The following AEBP2 variants were observed in gnomAD, a reference collection of about 807,000 sequenced individuals.
AEBP2 encodes the protein AE binding protein 2, also known as zinc finger protein AEBP2.
In AEBP2, 10 loss-of-function variants were observed where a neutral mutation model predicts 50.8. The observed-to-expected ratio is 0.20, with a 90% confidence interval of 0.12 to 0.33. AEBP2 has a LOEUF of 0.33. Ranked by LOEUF, AEBP2 falls within the 10% of genes least tolerant of loss-of-function variation. The probability of loss-of-function intolerance (pLI) is 1.00; values close to 1 mark genes in which losing one functional copy is unlikely to be tolerated. For missense variants in AEBP2, 570 were observed against 688.0 expected (o/e 0.83, Z 1.92); for synonymous variants, 296 against 261.3 (o/e 1.13, Z -1.28).
intron 4 of AEBP2, among the ~76,000 whole-genome samples, chr12:19,497,923 G>A (rs1949012048): frequency 6.6e-6 from 1 of 152,178 alleles, no homozygotes; most frequent in Non-Finnish European, 1.5e-5. Context: ...AGAATGAGAT[G>A]AAGAAATTAA....
Position 19,520,952 on chromosome 12 carries a change from T to C in AEBP2, c.*2835T>C, listed in dbSNP as rs1211123162. Reference sequence around the variant, plus strand: ...ATGCACAAAATTATTAAAACTGTTGTATAAAATTACCTTCAGTCTATGTGT... The same window carrying C: ...ATGCACAAAATTATTAAAACTGTTGCATAAAATTACCTTCAGTCTATGTGT... On this transcript the variant is annotated 3_prime_UTR_variant, in exon 8 of 8. Transcript: ENST00000266508. The C allele has an allele frequency of 2.0e-5, 3 of 152,196 alleles. No individual in the cohort carries two copies. The highest frequency in any genetic ancestry group is 7.2e-5 in the African/African-American group (3 of 41,452). 9.4% of individuals were successfully genotyped at this position (152,196 alleles called of 1,614,324 possible).
At chr12:19,502,774 A>T (rs1208036555) in intron 5 of AEBP2, among the ~76,000 whole-genome samples, 1 of 151,084 alleles carries the variant, frequency 6.6e-6, no homozygotes, top group Non-Finnish European at 1.5e-5. Flanking sequence ...TCAGCCTCCC[A>T]AGTAGCTGGG....
intron 1 of AEBP2, among the ~76,000 whole-genome samples, chr12:19,443,675 A>T (rs1185060449): frequency 2.0e-5 from 3 of 152,080 alleles, no homozygotes; most frequent in Non-Finnish European, 2.9e-5. Context: ...GTGAGCTGAG[A>T]TTGCACCACT....
At chr12:19,441,077 T>G (rs961529636) in intron 1 of AEBP2, among the ~76,000 whole-genome samples, 25 of 152,126 alleles carry the variant, frequency 1.6e-4, no homozygotes, top group Admixed American at 3.3e-4. Context: ...AATCAGAGAG[T>G]TGGAATCGTA....
chr12:19,447,733 A>G (rs1028835872), intron 1 of AEBP2, among the ~76,000 whole-genome samples: 1 of 152,132 alleles, frequency 6.6e-6, no homozygotes, highest in Non-Finnish European at 1.5e-5. Flanking sequence ...TGGAAAGAAT[A>G]CTCCAGCTGA....
chr12:19,439,482 G>T (rs902507454), upstream of AEBP2, among the ~76,000 whole-genome samples: 1 of 151,812 alleles, frequency 6.6e-6, no homozygotes, highest in Admixed American at 6.6e-5. Context: ...CCGCCGCGCA[G>T]GCGCGCAGCA....
At chr12:19,480,227 C>T (rs770053222) in intron 3 of AEBP2, among the ~76,000 whole-genome samples, 44 of 152,236 alleles carry the variant, frequency 2.9e-4, no homozygotes, top group Non-Finnish European at 4.4e-4. Context: ...CCTCACCCTC[C>T]CAAGTAGCTG....
intron 1 of AEBP2, chr12:19,456,513 T>C: frequency 4.6e-6 from 7 of 1,517,504 alleles, no homozygotes; most frequent in Non-Finnish European, 6.4e-6. Flanking sequence ...TTCCTTCAGC[T>C]CAGCAAACTT....
chr12:19,488,077 G>C (rs903270462), intron 3 of AEBP2, among the ~76,000 whole-genome samples: 1 of 151,116 alleles, frequency 6.6e-6, no homozygotes, highest in Non-Finnish European at 1.5e-5. Context: ...GTTAATTACT[G>C]TTGTTGCCCT....
intron 1 of AEBP2, among the ~76,000 whole-genome samples, chr12:19,432,298 A>C (rs1480367659): frequency 6.6e-6 from 1 of 152,176 alleles, no homozygotes; most frequent in African/African-American, 2.4e-5. Flanking sequence ...GTTTCACTAA[A>C]AACCATATGA....
intron 3 of AEBP2, among the ~76,000 whole-genome samples, chr12:19,476,753 C>G (rs1052701055): frequency 1.3e-5 from 2 of 152,186 alleles, no homozygotes; most frequent in South Asian, 4.1e-4. Context: ...TGTGATACCT[C>G]CAGATTTGCT....
intron 3 of AEBP2, among the ~76,000 whole-genome samples, chr12:19,493,509 T>C (rs1416576045): frequency 6.6e-6 from 1 of 152,202 alleles, no homozygotes; most frequent in Non-Finnish European, 1.5e-5. Context: ...CAAAACCAGA[T>C]TTTTCTGGGA....
In AEBP2 at chr12:19,481,092, C is replaced by CTTTTTTTTTTTT. The variant is rs71067027; in HGVS notation, c.987+7752_987+7763dup. Among the ~76,000 whole-genome samples the CTTTTTTTTTTTT allele has an allele frequency of 4.9e-4, 36 of 74,056 alleles. 8 individuals are homozygous for CTTTTTTTTTTTT. The highest frequency in any genetic ancestry group is 7.1e-4 in the Non-Finnish European group (30 of 42,312). 48.6% of individuals were successfully genotyped at this position (74,056 alleles called of 152,430 possible). A position where few individuals can be genotyped will look rare whatever the true frequency, so the allele number is the denominator to read the frequency against. ...TGTTATTGAAACTTTGCAGTGCATC[C>CTTTTTTTTTTTT]TTTTTTTTTTTTTTTTTTTTTTTTT... On this transcript the variant is annotated intron_variant, in intron 3 of 7. Coordinates refer to ENST00000266508, the MANE Select transcript of AEBP2 (RefSeq NM_153207.5).
chr12:19,515,704 A>G (rs772169918), intron 7 of AEBP2, among the ~76,000 whole-genome samples: 5 of 152,284 alleles, frequency 3.3e-5, no homozygotes, highest in Non-Finnish European at 7.4e-5. Flanking sequence ...TTGGAGTGCT[A>G]TTCACCTGGA....
chr12:19,507,882 A>G (rs1222867537), intron 5 of AEBP2, among the ~76,000 whole-genome samples: 1 of 152,260 alleles, frequency 6.6e-6, no homozygotes, highest in Non-Finnish European at 1.5e-5. Context: ...TTACTTTGTT[A>G]TCAAATTAAC....
chr12:19,410,422 A>G (rs2095738666), intron 1 of AEBP2, among the ~76,000 whole-genome samples: 2 of 152,132 alleles, frequency 1.3e-5, no homozygotes, highest in Non-Finnish European at 2.9e-5. Context: ...GAGAGTAGGG[A>G]CTTCCTGTCT....
intron 1 of AEBP2, among the ~76,000 whole-genome samples, chr12:19,443,484 C>T (rs938064059): frequency 1.3e-5 from 2 of 151,318 alleles, no homozygotes; most frequent in Admixed American, 6.6e-5. Context: ...TTTGGGAGGC[C>T]GAGTCGGGTG....
chr12:19,478,929 A>G (rs1020419063), intron 3 of AEBP2, among the ~76,000 whole-genome samples: 2 of 152,152 alleles, frequency 1.3e-5, no homozygotes, highest in Non-Finnish European at 1.5e-5. Flanking sequence ...GATGAAAATA[A>G]TGTATATCCT....
At chr12:19,435,491 G>GCT (rs929021811), upstream of AEBP2, among the ~76,000 whole-genome samples, 1 of 152,066 alleles carries the variant, frequency 6.6e-6, no homozygotes, top group African/African-American at 2.4e-5. Flanking sequence ...GTCTGTCTCA[G>GCT]CTCTCCACAG....
Sources: gnomAD v4.1 joint callset for allele counts (sites outside exome capture counted in the v4.1 genomes callset) on GRCh38, gnomAD v4.1.1 for gene constraint, MANE v1.5 for transcripts, NCBI Gene and HGNC (gene_info 2026-07-23, HGNC 2026-07-21) for gene names.